The following TBC1D5 variants were observed in gnomAD, a reference collection of about 807,000 sequenced individuals.
TBC1D5 encodes the protein TBC1 domain family, member 5.
Under a neutral mutation model 100.3 loss-of-function variants are expected in TBC1D5, and 75 were observed. That is an observed-to-expected ratio of 0.75 (90% confidence interval 0.62 to 0.91). The LOEUF is 0.91. Among genes scored for constraint, TBC1D5 ranks in the 40% least tolerant of loss-of-function variants. The pLI, the probability that TBC1D5 is intolerant of heterozygous loss-of-function variation, is 0.00. For synonymous variants in TBC1D5, 323 were observed against 325.6 expected, an observed-to-expected ratio of 0.99 and a Z score of 0.09; for missense variants, 910 against 942.4, an observed-to-expected ratio of 0.97 and a Z score of 0.45.
intron 3 of TBC1D5, among the ~76,000 whole-genome samples, chr3:17,454,405 G>A (rs975786904): frequency 6.6e-6 from 1 of 152,128 alleles, no homozygotes; most frequent in African/African-American, 2.4e-5. Context: ...TAGTAGAACT[G>A]ATAAATTCAT....
chr3:17,531,383 C>A (rs1185781242), intron 2 of TBC1D5, among the ~76,000 whole-genome samples: 1 of 152,142 alleles, frequency 6.6e-6, no homozygotes, highest in Non-Finnish European at 1.5e-5. Flanking sequence ...TAGGAAGAAT[C>A]AATATCATGA....
At chr3:17,216,156 T>C (rs985964791) in intron 17 of TBC1D5, among the ~76,000 whole-genome samples, 2 of 152,140 alleles carry the variant, frequency 1.3e-5, no homozygotes, top group Non-Finnish European at 2.9e-5. Flanking sequence ...GATACATCCC[T>C]CTTTAAGGAA....
At chr3:17,315,156 C>T (rs928503514) in intron 13 of TBC1D5, among the ~76,000 whole-genome samples, 2 of 152,258 alleles carry the variant, frequency 1.3e-5, no homozygotes, top group African/African-American at 2.4e-5. Context: ...TATCTTCAAA[C>T]TGGCTCACTC....
intron 2 of TBC1D5, among the ~76,000 whole-genome samples, chr3:17,608,486 T>C (rs1055259262): frequency 3.3e-5 from 5 of 152,180 alleles, no homozygotes; most frequent in African/African-American, 1.2e-4. Context: ...GGTGAATATA[T>C]ACGTAAAAAT....
intron 3 of TBC1D5, among the ~76,000 whole-genome samples, chr3:17,501,153 TAC>T (rs2095783694): frequency 6.7e-6 from 1 of 149,678 alleles, no homozygotes; most frequent in South Asian, 2.1e-4. Flanking sequence ...CAGTCTAACT[TAC>T]AGTTTTTTAT....
chr3:17,726,978 G>A (rs946725100), intron 1 of TBC1D5, among the ~76,000 whole-genome samples: 8 of 152,032 alleles, frequency 5.3e-5, no homozygotes, highest in South Asian at 2.1e-4. Context: ...CCTATTATAC[G>A]GCTACTAATA....
intron 2 of TBC1D5, among the ~76,000 whole-genome samples, chr3:17,615,054 T>C (rs527265469): frequency 6.4e-4 from 98 of 152,318 alleles, no homozygotes; most frequent in African/African-American, 2.3e-3. Flanking sequence ...TTGAGATATG[T>C]TCCATCAATA....
At chr3:17,649,892 C>A (rs1274996630) in intron 1 of TBC1D5, among the ~76,000 whole-genome samples, 1 of 152,130 alleles carries the variant, frequency 6.6e-6, no homozygotes, top group Non-Finnish European at 1.5e-5. Flanking sequence ...TGGAACCAAC[C>A]CAAATGTCCA....
chr3:17,433,351 A>T (rs960012909), intron 3 of TBC1D5, among the ~76,000 whole-genome samples: 5 of 152,170 alleles, frequency 3.3e-5, no homozygotes, highest in Admixed American at 3.3e-4. Flanking sequence ...AGTTTAATTG[A>T]CTCGCAGTTC....
intron 3 of TBC1D5, among the ~76,000 whole-genome samples, chr3:17,505,410 T>C (rs1160810735): frequency 6.6e-6 from 1 of 152,182 alleles, no homozygotes; most frequent in African/African-American, 2.4e-5. Context: ...CAGGAGCAGA[T>C]ACCTGTGTCA....
intron 2 of TBC1D5, among the ~76,000 whole-genome samples, chr3:17,564,538 A>C (rs2153484312): frequency 6.6e-6 from 1 of 152,334 alleles, no homozygotes; most frequent in East Asian, 1.9e-4. Flanking sequence ...AAGCTAAAAT[A>C]TTTTATGAAA....
chr3:17,568,327 C>T (rs1032760890), intron 2 of TBC1D5, among the ~76,000 whole-genome samples: 3 of 151,350 alleles, frequency 2.0e-5, no homozygotes, highest in Admixed American at 6.6e-5. Context: ...TAAAGACTAA[C>T]TGCAGGTCAA....
intron 16 of TBC1D5, among the ~76,000 whole-genome samples, chr3:17,255,813 C>A (rs1431174508): frequency 6.6e-6 from 1 of 152,004 alleles, no homozygotes; most frequent in African/African-American, 2.4e-5. Flanking sequence ...CTGAGGTGGG[C>A]AGATCACGAG....
At position 17,550,907 on chromosome 3, in the gene TBC1D5, T is replaced by A. The variant is rs552030614; in HGVS notation, c.-35-42302A>T. On this transcript the variant is annotated intron_variant, in intron 2 of 21. Coordinates refer to ENST00000253692, the Ensembl canonical transcript of TBC1D5. ...ACTATAAATTTATGTCATGTTCACA[T>A]GAAACTAAAACCAAAAAAAATCCCA... is the stretch of plus-strand genomic sequence containing the variant. Among the ~76,000 whole-genome samples the A allele has an allele frequency of 4.6e-3, 708 of 152,264 alleles. 8 individuals are homozygous for A. The highest frequency in any genetic ancestry group is 0.024 in the Middle Eastern group (7 of 294).
intron 13 of TBC1D5, among the ~76,000 whole-genome samples, chr3:17,329,801 T>C (rs2086650959): frequency 6.6e-6 from 1 of 152,164 alleles, no homozygotes; most frequent in African/African-American, 2.4e-5. Context: ...ACAATAACCA[T>C]TTCAAAGATA....
chr3:17,228,228 C>T (rs1005202740), intron 17 of TBC1D5, among the ~76,000 whole-genome samples: 2 of 152,110 alleles, frequency 1.3e-5, no homozygotes, highest in Non-Finnish European at 2.9e-5. Context: ...GGGTCAGACA[C>T]AGCTAGGATT....
At chr3:17,424,450 A>G (rs1478869172) in intron 4 of TBC1D5, among the ~76,000 whole-genome samples, 1 of 152,192 alleles carries the variant, frequency 6.6e-6, no homozygotes, top group Non-Finnish European at 1.5e-5. Flanking sequence ...TTCTTCTCTC[A>G]GTTTTAATGG....
chr3:17,679,959 C>T (rs11128841), intron 1 of TBC1D5, among the ~76,000 whole-genome samples: 84,751 of 150,780 alleles, frequency 0.56, 25,319 homozygotes, highest in East Asian at 0.99. Context: ...CAAGTGAAAA[C>T]CCCAAACCAA....
chr3:17,727,320 G>A (rs191579437), intron 1 of TBC1D5, among the ~76,000 whole-genome samples: 2 of 152,332 alleles, frequency 1.3e-5, no homozygotes, highest in East Asian at 3.9e-4. Context: ...GGCAGAGGTT[G>A]CAGTGAGCCA....
Sources: gnomAD v4.1 joint callset for allele counts (sites outside exome capture counted in the v4.1 genomes callset) on GRCh38, gnomAD v4.1.1 for gene constraint, MANE v1.5 for transcripts, NCBI Gene and HGNC (gene_info 2026-07-23, HGNC 2026-07-21) for gene names.